The following GRM8 variants were observed in gnomAD, a reference collection of about 807,000 sequenced individuals.
GRM8 encodes metabotropic glutamate receptor 8.
A neutral mutation model predicts 87.2 loss-of-function variants in GRM8; 47 were observed. The ratio of observed to expected loss-of-function variants is 0.54; its 90% CI spans 0.43 to 0.69. The LOEUF is 0.69. Among genes scored for constraint, GRM8 ranks in the 30% least tolerant of loss-of-function variants. The probability of loss-of-function intolerance (pLI) is 0.00; values close to 1 mark genes in which losing one functional copy is unlikely to be tolerated. For synonymous variants in GRM8, 396 were observed against 404.5 expected (o/e 0.98, Z 0.25); for missense variants, 1,019 against 1,139.2 (o/e 0.89, Z 1.52).
chr7:127,175,800 C>A (rs182922119), intron 2 of GRM8, among the ~76,000 whole-genome samples: 1 of 152,136 alleles, frequency 6.6e-6, no homozygotes, highest in East Asian at 1.9e-4. Context: ...ATAATAACTA[C>A]CCTGAGGGAA....
At chr7:126,748,808 A>G (rs1222309313) in intron 7 of GRM8, among the ~76,000 whole-genome samples, 2 of 152,112 alleles carry the variant, frequency 1.3e-5, no homozygotes, top group Admixed American at 1.3e-4. Context: ...CCTTTAGAAC[A>G]AGACAGCAAA....
At chr7:126,653,011 AT>A (rs1804089294) in intron 7 of GRM8, among the ~76,000 whole-genome samples, 1 of 152,138 alleles carries the variant, frequency 6.6e-6, no homozygotes, top group Non-Finnish European at 1.5e-5. Context: ...GGATCTCCCT[AT>A]TTTAAGATCC....
chr7:126,953,512 T>C (rs1282668576), intron 3 of GRM8, among the ~76,000 whole-genome samples: 1 of 152,160 alleles, frequency 6.6e-6, no homozygotes, highest in Non-Finnish European at 1.5e-5. Flanking sequence ...GATGGACGAC[T>C]TGGGCAGTGT....
chr7:127,249,515 C>T (rs575355806), intron 1 of GRM8, among the ~76,000 whole-genome samples: 1 of 152,240 alleles, frequency 6.6e-6, no homozygotes, highest in South Asian at 2.1e-4. Context: ...TCAACAGTAC[C>T]TCTCAAATCA....
intron 3 of GRM8, among the ~76,000 whole-genome samples, chr7:126,938,720 G>A (rs536403287): frequency 6.6e-6 from 1 of 152,062 alleles, no homozygotes; most frequent in Non-Finnish European, 1.5e-5. Context: ...ATAGTTTAAA[G>A]CTAATAGTAA....
At chr7:126,534,325 T>C (rs1014963987) in intron 8 of GRM8, among the ~76,000 whole-genome samples, 5 of 152,226 alleles carry the variant, frequency 3.3e-5, no homozygotes, top group Non-Finnish European at 7.3e-5. Flanking sequence ...CTTTCTACCA[T>C]ACTTAGGGAA....
chr7:126,754,771 G>A (rs1006105766), intron 7 of GRM8, among the ~76,000 whole-genome samples: 2 of 151,766 alleles, frequency 1.3e-5, no homozygotes, highest in Non-Finnish European at 2.9e-5. Context: ...CCTGTGGTAG[G>A]ACTTAAAGCT....
chr7:126,704,889 G>A (rs901769133), intron 7 of GRM8, among the ~76,000 whole-genome samples: 38 of 152,038 alleles, frequency 2.5e-4, no homozygotes, highest in African/African-American at 8.0e-4. Context: ...CTGTGATCTC[G>A]CCCTGCCTCC....
At chr7:126,991,421 A>C (rs1209503128) in intron 3 of GRM8, among the ~76,000 whole-genome samples, 2 of 152,180 alleles carry the variant, frequency 1.3e-5, no homozygotes, top group African/African-American at 4.8e-5. Context: ...AAGCCTAGAG[A>C]CTTTCCATTT....
chr7:127,023,198 A>G (rs1406477707), intron 3 of GRM8, among the ~76,000 whole-genome samples: 1 of 152,128 alleles, frequency 6.6e-6, no homozygotes, highest in East Asian at 1.9e-4. Flanking sequence ...TTTATTTAGA[A>G]GAAAATTTAA....
intron 9 of GRM8, among the ~76,000 whole-genome samples, chr7:126,484,803 A>C (rs895206857): frequency 6.6e-6 from 1 of 152,044 alleles, no homozygotes; most frequent in African/African-American, 2.4e-5. Flanking sequence ...CGTGCTATTA[A>C]AAATATTAAA....
At chr7:127,213,610 T>C (rs1469291929) in intron 2 of GRM8, among the ~76,000 whole-genome samples, 1 of 152,218 alleles carries the variant, frequency 6.6e-6, no homozygotes, top group East Asian at 1.9e-4. Context: ...TTATCCTTTA[T>C]CTCTTAATCT....
chr7:126,747,603 G>T (rs139044482), intron 7 of GRM8, among the ~76,000 whole-genome samples: 1,656 of 152,008 alleles, frequency 0.011, 17 homozygotes, highest in Non-Finnish European at 0.013. Context: ...TTCATATTCT[G>T]ATGCTAACAT....
chr7:126,512,916 A>T (rs954851786), intron 9 of GRM8: 1 of 152,138 alleles, frequency 6.6e-6, no homozygotes, highest in Admixed American at 6.6e-5. Context: ...AAGCCAGATT[A>T]TAGCTCATTG....
intron 8 of GRM8, among the ~76,000 whole-genome samples, chr7:126,561,126 T>C (rs1415089786): frequency 1.3e-5 from 2 of 152,162 alleles, no homozygotes; most frequent in Non-Finnish European, 2.9e-5. Context: ...TAACCATAAT[T>C]GCCATTATTG....
intron 3 of GRM8, among the ~76,000 whole-genome samples, chr7:126,952,214 C>T (rs1261632449): frequency 1.3e-5 from 2 of 151,730 alleles, no homozygotes; most frequent in African/African-American, 2.4e-5. Context: ...AAAGCTGGAA[C>T]AAATTAAACA....
At chr7:126,482,348 T>C (rs113781417) in intron 9 of GRM8, among the ~76,000 whole-genome samples, 15 of 152,172 alleles carry the variant, frequency 9.9e-5, no homozygotes, top group Middle Eastern at 3.4e-3. Context: ...TATATTTGTA[T>C]GCCCATGTTG....
chr7:127,121,233 G>GA (rs1827070179), intron 2 of GRM8, among the ~76,000 whole-genome samples: 1 of 152,168 alleles, frequency 6.6e-6, no homozygotes, highest in South Asian at 2.1e-4. Flanking sequence ...ATGTCTTGGC[G>GA]AATTAGCTCA....
At chr7:126,627,450 A>G (rs1284443014) in intron 7 of GRM8, among the ~76,000 whole-genome samples, 1 of 152,114 alleles carries the variant, frequency 6.6e-6, no homozygotes, top group Non-Finnish European at 1.5e-5. Context: ...TGATCTCTAG[A>G]TTTTTTATTT....
Sources: allele counts gnomAD v4.1 joint callset (sites outside exome capture counted in the v4.1 genomes callset), GRCh38; gene constraint gnomAD v4.1.1; transcripts MANE v1.5; gene names NCBI Gene and HGNC (gene_info 2026-07-23, HGNC 2026-07-21).